PRKN: variants seen among roughly 807,000 people sequenced by gnomAD.
PRKN encodes the protein E3 ubiquitin-protein ligase parkin.
PRKN carries 56 observed loss-of-function variants against 59.5 expected under a neutral mutation model. The observed-to-expected ratio is 0.94, with a 90% CI of 0.76 to 1.18. The LOEUF is 1.18. Ranked by LOEUF, PRKN falls within the 50% of genes most tolerant of loss-of-function variation. The pLI is 0.00. For synonymous variants in PRKN, 250 were observed against 222.1 expected, an observed-to-expected ratio of 1.13 and a Z score of -1.12; for missense variants, 657 against 596.4, an observed-to-expected ratio of 1.10 and a Z score of -1.06.
intron 1 of PRKN, among the ~76,000 whole-genome samples, chr6:162,530,665 C>A (rs2846473): frequency 0.35 from 53,326 of 152,080 alleles, 11,177 homozygotes; most frequent in Middle Eastern, 0.51. Context: ...AAGTCCAAGT[C>A]ATGCATGAGG....
intron 2 of PRKN, among the ~76,000 whole-genome samples, chr6:162,414,726 A>AAAAAAAAAAAAAAAAAGGT (rs34838356): frequency 5.4e-5 from 5 of 91,868 alleles, no homozygotes; most frequent in East Asian, 3.7e-4. Context: ...AAAAAAAAAA[A>AAAAAAAAAAAAAAAAAGGT]AGTGAATCTT....
chr6:161,964,962 T>C (rs900996242), intron 6 of PRKN, among the ~76,000 whole-genome samples: 2 of 152,094 alleles, frequency 1.3e-5, no homozygotes, highest in African/African-American at 2.4e-5. Flanking sequence ...AGAATTAATA[T>C]GTGAATTGAC....
intron 7 of PRKN, among the ~76,000 whole-genome samples, chr6:161,767,058 T>A (rs2128200728): frequency 6.6e-6 from 1 of 152,248 alleles, no homozygotes; most frequent in South Asian, 2.1e-4. Flanking sequence ...GTGACCAAAA[T>A]AACCAGGTTA....
intron 4 of PRKN, among the ~76,000 whole-genome samples, chr6:162,095,205 A>T (rs530724431): frequency 1.1e-4 from 17 of 152,328 alleles, no homozygotes; most frequent in African/African-American, 4.1e-4. Context: ...AGATGATCAA[A>T]TATATTTTGA....
At chr6:162,556,686 G>T (rs1449310242) in intron 1 of PRKN, among the ~76,000 whole-genome samples, 3 of 147,352 alleles carry the variant, frequency 2.0e-5, no homozygotes, top group African/African-American at 7.5e-5. Context: ...AGCAGAGGTT[G>T]CTGTGAGCCG....
intron 2 of PRKN, among the ~76,000 whole-genome samples, chr6:162,291,717 T>G (rs1034355152): frequency 1.3e-5 from 2 of 152,144 alleles, no homozygotes; most frequent in Admixed American, 6.5e-5. Context: ...CATTTTTACC[T>G]TTAAAAAGCT....
chr6:162,189,527 AAAT>A (rs1191655758), intron 4 of PRKN, among the ~76,000 whole-genome samples: 2 of 151,164 alleles, frequency 1.3e-5, no homozygotes, highest in Admixed American at 1.3e-4. Flanking sequence ...CTTAAACATC[AAAT>A]AATAATAATA....
intron 2 of PRKN, among the ~76,000 whole-genome samples, chr6:162,390,551 C>T (rs1383744001): frequency 6.6e-6 from 1 of 151,772 alleles, no homozygotes; most frequent in African/African-American, 2.4e-5. Context: ...AAGTGATTCT[C>T]CTGCCTCAGC....
At chr6:162,597,407 T>A (rs1781533336) in intron 1 of PRKN, among the ~76,000 whole-genome samples, 1 of 152,222 alleles carries the variant, frequency 6.6e-6, no homozygotes, top group Non-Finnish European at 1.5e-5. Context: ...GAAAATGGCA[T>A]AACTGTTTCA....
At chr6:162,340,282 C>T (rs796282535) in intron 2 of PRKN, among the ~76,000 whole-genome samples, 2 of 152,204 alleles carry the variant, frequency 1.3e-5, no homozygotes, top group African/African-American at 4.8e-5. Context: ...GGATATAACA[C>T]TTGAATAGGA....
intron 7 of PRKN, among the ~76,000 whole-genome samples, chr6:161,587,909 C>G (rs1364482310): frequency 6.6e-6 from 1 of 152,026 alleles, no homozygotes; most frequent in Non-Finnish European, 1.5e-5. Context: ...ATTTTAGTCT[C>G]TGTTGAGAAT....
chr6:161,864,803 C>CCCA (rs34187074), intron 6 of PRKN, among the ~76,000 whole-genome samples: 129,072 of 151,330 alleles, frequency 0.85, 55,379 homozygotes, highest in African/African-American at 0.93. Flanking sequence ...ATTACAGTCG[C>CCCA]CCACCACACC....
At position 161,875,045 on chromosome 6, in the gene PRKN, AT is replaced by A. The variant is rs1389518501; in HGVS notation, c.735-89138del. Among the ~76,000 whole-genome samples the A allele has an allele frequency of 2.5e-5, 3 of 119,322 alleles. 1 individual carries two copies. The highest frequency in any genetic ancestry group is 1.1e-4 in the African/African-American group (3 of 27,936). 78.3% of individuals were successfully genotyped at this position (119,322 alleles called of 152,430 possible). On this transcript the variant is annotated intron_variant, in intron 6 of 11. Coordinates refer to ENST00000366898, the MANE Select transcript of PRKN (RefSeq NM_004562.3). ...AAGTATATAATATAATAAATTATATATTATATATAAAGTATATACATTATAT... is the reference window on the plus strand; with the variant it reads ...AAGTATATAATATAATAAATTATATATATATATAAAGTATATACATTATAT...
At chr6:162,684,248 A>AT (rs541142045) in intron 1 of PRKN, among the ~76,000 whole-genome samples, 100 of 150,142 alleles carry the variant, frequency 6.7e-4, no homozygotes, top group African/African-American at 1.6e-3. Flanking sequence ...AGATCCTCTG[A>AT]TTTTTTTTTT....
At chr6:162,336,262 T>C (rs1783842111) in intron 2 of PRKN, among the ~76,000 whole-genome samples, 2 of 152,150 alleles carry the variant, frequency 1.3e-5, no homozygotes, top group African/African-American at 2.4e-5. Flanking sequence ...ATGTTCATAT[T>C]ACTCTATCTT....
chr6:161,631,757 GCACACACCCAGACAAA>G (rs1161922508), intron 7 of PRKN, among the ~76,000 whole-genome samples: 1 of 116,874 alleles, frequency 8.6e-6, no homozygotes, highest in Non-Finnish European at 1.7e-5. Flanking sequence ...CTAGGGGTAC[GCACACACCCAGACAAA>G]CACACACACA....
Position 161,372,718 on chromosome 6 carries a change from C to T in PRKN, c.1168-12513G>A, listed in dbSNP as rs889693553. On this transcript the variant is annotated intron_variant, in intron 10 of 11. Transcript: ENST00000366898. The surrounding 1 kb of genome is among the most constrained non-coding windows in gnomAD (Gnocchi z 4.2). The stretch of plus-strand genomic sequence containing the variant: ...GGATTGCGCTCAAGGACTGGCAGTT[C>T]AACAAATTCCTAGGTGATGCCGATG... Among the ~76,000 whole-genome samples the T allele has an allele frequency of 2.6e-5, 4 of 151,980 alleles. No homozygotes were observed. The highest frequency in any genetic ancestry group is 9.7e-5 in the African/African-American group (4 of 41,388).
intron 6 of PRKN, among the ~76,000 whole-genome samples, chr6:161,813,111 G>A (rs78161586): frequency 0.022 from 3,389 of 152,304 alleles, 133 homozygotes; most frequent in African/African-American, 0.078. Flanking sequence ...TGAGAGACTC[G>A]TAGCAGGAAG....
chr6:161,438,564 T>C (rs1158636618), intron 9 of PRKN, among the ~76,000 whole-genome samples: 1 of 152,122 alleles, frequency 6.6e-6, no homozygotes, highest in Non-Finnish European at 1.5e-5. Context: ...AGACATACTT[T>C]AAACTCATAG....
Sources: gnomAD v4.1 joint callset for allele counts (sites outside exome capture counted in the v4.1 genomes callset) on GRCh38, gnomAD v4.1.1 for gene constraint, Gnocchi (gnomAD v3.1) non-coding constraint, MANE v1.5 for transcripts, NCBI Gene and HGNC (gene_info 2026-07-23, HGNC 2026-07-21) for gene names.